FAF1: variants seen among roughly 807,000 people sequenced by gnomAD.
FAF1 encodes Fas associated factor 1.
A neutral mutation model predicts 92.5 loss-of-function variants in FAF1; 25 were observed. The observed-to-expected ratio is 0.27, with a 90% CI of 0.20 to 0.38. The LOEUF is 0.38. Among genes scored for constraint, FAF1 ranks in the 10% least tolerant of loss-of-function variants. The pLI is 1.00. For missense variants in FAF1, 636 were observed against 793.3 expected (o/e 0.80, Z 2.38); for synonymous variants, 234 against 273.2 (o/e 0.86, Z 1.42).
intron 6 of FAF1, among the ~76,000 whole-genome samples, chr1:50,719,527 T>A (rs1001983227): frequency 2.0e-5 from 3 of 152,264 alleles, no homozygotes; most frequent in Non-Finnish European, 4.4e-5. Flanking sequence ...CTATAATTAC[T>A]GTTTAATCAA....
intron 8 of FAF1, among the ~76,000 whole-genome samples, chr1:50,632,250 T>A (rs1280522655): frequency 6.6e-6 from 1 of 152,206 alleles, no homozygotes; most frequent in Non-Finnish European, 1.5e-5. Flanking sequence ...CCTTTCTTAG[T>A]CTGAATTACA....
At chr1:50,722,413 C>T in intron 6 of FAF1, among the ~76,000 whole-genome samples, 1 of 152,164 alleles carries the variant, frequency 6.6e-6, no homozygotes, top group South Asian at 2.1e-4. Context: ...CTTTGGGAGG[C>T]CGAGGTGGGT....
chr1:50,585,880 T>TAAAAAAAAAAAAAA (rs958484582), intron 9 of FAF1, among the ~76,000 whole-genome samples: 1 of 90,668 alleles, frequency 1.1e-5, no homozygotes, highest in African/African-American at 3.8e-5. Flanking sequence ...CATCTCTACA[T>TAAAAAAAAAAAAAA]AAAAAAAAAA....
At chr1:50,747,386 A>T (rs536381563) in intron 4 of FAF1, among the ~76,000 whole-genome samples, 2 of 152,344 alleles carry the variant, frequency 1.3e-5, no homozygotes, top group African/African-American at 4.8e-5. Context: ...TATTTGGAAC[A>T]TTAAGATTTA....
chr1:50,768,250 A>G (rs1396769204), intron 4 of FAF1, among the ~76,000 whole-genome samples: 22 of 152,218 alleles, frequency 1.4e-4, no homozygotes, highest in Admixed American at 1.4e-3. Flanking sequence ...AGACCTAACT[A>G]TCCTAAATAT....
intron 8 of FAF1, among the ~76,000 whole-genome samples, chr1:50,635,560 C>T (rs190048943): frequency 1.1e-3 from 170 of 152,138 alleles, no homozygotes; most frequent in African/African-American, 3.9e-3. Context: ...TGAGTAGCTG[C>T]GACCACGGGT....
intron 14 of FAF1, among the ~76,000 whole-genome samples, chr1:50,537,051 C>T (rs975487413): frequency 2.0e-5 from 3 of 152,106 alleles, no homozygotes; most frequent in Non-Finnish European, 4.4e-5. Flanking sequence ...CCTCAGCCTT[C>T]CAAGTAGCTG....
intron 15 of FAF1, among the ~76,000 whole-genome samples, chr1:50,520,162 T>C (rs988635856): frequency 4.6e-5 from 7 of 152,230 alleles, no homozygotes; most frequent in Non-Finnish European, 1.0e-4. Flanking sequence ...TTCCGTATCA[T>C]ACTTATTGCC....
intron 4 of FAF1, among the ~76,000 whole-genome samples, chr1:50,786,208 T>C (rs1344202207): frequency 6.6e-6 from 1 of 151,892 alleles, no homozygotes; most frequent in Non-Finnish European, 1.5e-5. Context: ...ACAACCTAAA[T>C]GTCCATTTAT....
intron 1 of FAF1, among the ~76,000 whole-genome samples, chr1:50,913,293 T>C (rs1644898909): frequency 6.6e-6 from 1 of 152,242 alleles, no homozygotes. Flanking sequence ...AATACATTTC[T>C]TTTGCACTGC....
At chr1:50,728,955 G>C (rs1658781364) in intron 6 of FAF1, among the ~76,000 whole-genome samples, 1 of 146,540 alleles carries the variant, frequency 6.8e-6, no homozygotes, top group Non-Finnish European at 1.5e-5. Flanking sequence ...TAGATACAGG[G>C]AAAAAAAGTC....
intron 1 of FAF1, among the ~76,000 whole-genome samples, chr1:50,905,159 C>T (rs903408475): frequency 4.6e-5 from 7 of 152,170 alleles, no homozygotes; most frequent in South Asian, 2.1e-4. Flanking sequence ...TATTTGCGAT[C>T]GTTTGCTCAG....
intron 6 of FAF1, among the ~76,000 whole-genome samples, chr1:50,713,185 G>A (rs1428116102): frequency 4.2e-5 from 6 of 143,062 alleles, no homozygotes; most frequent in African/African-American, 1.6e-4. Flanking sequence ...AAAAGTTCAC[G>A]CTGCTTCAAC....
intron 4 of FAF1, among the ~76,000 whole-genome samples, chr1:50,757,021 T>C (rs1557512546): frequency 6.6e-6 from 1 of 152,262 alleles, no homozygotes; most frequent in Non-Finnish European, 1.5e-5. Context: ...CTTTGACCTA[T>C]GGTTTATTTA....
chr1:50,616,220 T>C (rs1569587573), intron 8 of FAF1, among the ~76,000 whole-genome samples: 1 of 152,186 alleles, frequency 6.6e-6, no homozygotes, highest in African/African-American at 2.4e-5. Flanking sequence ...TATGTGTCTG[T>C]TTTTGTATCA....
chr1:50,929,764 A>G (rs1487938728), intron 1 of FAF1, among the ~76,000 whole-genome samples: 1 of 152,244 alleles, frequency 6.6e-6, no homozygotes, highest in Non-Finnish European at 1.5e-5. Flanking sequence ...ACAATTATTC[A>G]GGTAACAAAG....
intron 1 of FAF1, among the ~76,000 whole-genome samples, chr1:50,909,860 G>T (rs1377464081): frequency 6.6e-6 from 1 of 152,120 alleles, no homozygotes; most frequent in African/African-American, 2.4e-5. Context: ...ATTACCGATT[G>T]TCTGAAGCCT....
chr1:50,767,288 A>G (rs2124539648), intron 4 of FAF1, among the ~76,000 whole-genome samples: 1 of 152,286 alleles, frequency 6.6e-6, no homozygotes, highest in East Asian at 1.9e-4. Context: ...AAGAACAAAC[A>G]AAACCTCTAA....
chr1:50,793,732 C>T (rs773374870), intron 3 of FAF1, among the ~76,000 whole-genome samples: 16 of 152,336 alleles, frequency 1.1e-4, no homozygotes, highest in Non-Finnish European at 2.1e-4. Context: ...TACATCAACT[C>T]TCCCGCTCTT....
Sources: allele counts gnomAD v4.1 joint callset (sites outside exome capture counted in the v4.1 genomes callset), GRCh38; gene constraint gnomAD v4.1.1; transcripts MANE v1.5; gene names NCBI Gene and HGNC (gene_info 2026-07-23, HGNC 2026-07-21).